Variants in LONRF1 observed in about 807,000 individuals in gnomAD.
LONRF1 encodes LON peptidase N-terminal domain and RING finger protein 1.
A neutral mutation model predicts 85.8 loss-of-function variants in LONRF1; 37 were observed. The observed-to-expected ratio is 0.43, with a 90% CI of 0.33 to 0.57. The LOEUF (loss-of-function observed/expected upper bound fraction) is 0.57. Among genes scored for constraint, LONRF1 ranks in the 20% least tolerant of loss-of-function variants. The probability of loss-of-function intolerance (pLI) is 0.04; values close to 1 mark genes in which losing one functional copy is unlikely to be tolerated. For missense variants in LONRF1, 1,036 were observed against 978.0 expected, an observed-to-expected ratio of 1.06 and a Z score of -0.79; for synonymous variants, 517 against 390.1, an observed-to-expected ratio of 1.33 and a Z score of -3.83.
At chr8:12,746,102 A>T (rs6530966) in intron 1 of LONRF1, among the ~76,000 whole-genome samples, 127,045 of 152,106 alleles carry the variant, frequency 0.84, 53,619 homozygotes, top group East Asian at 0.94. Flanking sequence ...CTCCTATGAT[A>T]TTCCTCAAAT....
rs144158433 is a variant in LONRF1, at chr8:12,731,868, A to G, written c.1567-11T>C. ...CCTATCTGCTAGATACTAAAAGACA[A>G]TATTATTTTACATTCCAGCAGTGGT... is the stretch of plus-strand genomic sequence containing the variant. On this transcript the variant is annotated splice_polypyrimidine_tract_variant and intron_variant, in intron 7 of 11. Coordinates refer to ENST00000398246, the MANE Select transcript of LONRF1 (RefSeq NM_152271.5). The G allele has an allele frequency of 8.6e-4, 1,375 of 1,605,206 alleles. 9 individuals are homozygous for G. In the African/African-American group the frequency reaches 0.017, roughly 19 times the overall value.
chr8:12,726,059 C>G, intron 10 of LONRF1, 180 bp from the exon 11 acceptor site: 1 of 527,698 alleles, frequency 1.9e-6, no homozygotes. Flanking sequence ...ATAGGGCTGA[C>G]CAGACTAAAG....
At chr8:12,753,199 T>A (rs1271583752) in intron 1 of LONRF1, 1 of 152,162 alleles carries the variant, frequency 6.6e-6, no homozygotes, top group East Asian at 1.9e-4. Context: ...ACTGAAAGAA[T>A]ACAAAAATCT....
At chr8:12,734,440 C>A (rs531312151) in intron 7 of LONRF1, among the ~76,000 whole-genome samples, 24 of 152,224 alleles carry the variant, frequency 1.6e-4, no homozygotes, top group Non-Finnish European at 2.8e-4. Flanking sequence ...TGTCAATCAC[C>A]AGAGACAGAA....
At position 12,754,775 on chromosome 8, in the gene LONRF1, C is replaced by G; in HGVS notation, c.646G>C (p.Gly216Arg). Residue 216 changes from glycine (G) to arginine (R), a missense_variant, in exon 1 of 12, where the codon GGC (glycine) becomes CGC (arginine). Physicochemically the swap from Gly to Arg is moderately radical, Grantham distance 125. Transcript: ENST00000398246. ...TGGTGCAGTAGCTCCCCGAGCCTGC[C>G]GGCCGCCCGGGCCCGCTCGCGCTGG... ...PGQRERARAA[G>R]RLGELLHQGR... 6.8e-7 allele frequency: 1 copy of G among 1,472,862 alleles called. No individual in the cohort carries two copies. Among genetic ancestry groups the G allele is most frequent in the Non-Finnish European group, 8.9e-7 (1 of 1,120,490 alleles). The allele number at this position is 1,472,862 out of a possible 1,614,324, so 91.2% of individuals were successfully genotyped here. A position where few individuals can be genotyped will look rare whatever the true frequency, so the allele number is the denominator to read the frequency against.
intron 8 of LONRF1, 91 bp downstream of exon 8, chr8:12,731,645 T>C (rs1156994258): frequency 9.2e-7 from 1 of 1,083,644 alleles, no homozygotes; most frequent in Non-Finnish European, 1.3e-6. Flanking sequence ...TAGACTGAGA[T>C]GAACTAAAGA....
chr8:12,735,227 A>C, intron 7 of LONRF1, 59 bp downstream of exon 7: 1 of 1,113,946 alleles, frequency 9.0e-7, no homozygotes. Flanking sequence ...GGCTGAACAG[A>C]AATTAAACCA....
rs1174687361 is a variant in LONRF1, at chr8:12,755,343, C to A, written c.78G>T (p.Arg26=). 4 of 1,239,446 alleles carry A rather than the reference C, an allele frequency of 3.2e-6. No homozygotes were observed. Among genetic ancestry groups the A allele is most frequent in the Non-Finnish European group, 4.0e-6 (4 of 988,232 alleles). 76.8% of individuals were successfully genotyped at this position (1,239,446 alleles called of 1,614,324 possible). A position where few individuals can be genotyped will look rare whatever the true frequency, so the allele number is the denominator to read the frequency against. ...CGCTGCCGCCGCCCACTTCCCAGAACCGGCCTCGGCCCTGCGGCGCTGGGG... is the reference window on the plus strand; with the variant it reads ...CGCTGCCGCCGCCCACTTCCCAGAAACGGCCTCGGCCCTGCGGCGCTGGGG... The part of the protein sequence containing the change: ...EMAPAPQGRG[R]FWEVGGGSGH... The change falls in exon 1 of 12, where the codon CGG becomes CGT. Residue 26 remains arginine, a synonymous_variant. Transcript: ENST00000398246.
Position 12,755,008 on chromosome 8 carries a change from C to A in LONRF1, c.413G>T (p.Cys138Phe), listed in dbSNP as rs1347926005. The A allele has an allele frequency of 6.7e-7, 1 of 1,494,144 alleles. No individual in the cohort carries two copies. The highest frequency in any genetic ancestry group is 2.8e-5 in the East Asian group (1 of 35,576). The allele number at this position is 1,494,144 out of a possible 1,614,324, so 92.6% of individuals were successfully genotyped here. A position where few individuals can be genotyped will look rare whatever the true frequency, so the allele number is the denominator to read the frequency against. The change falls in exon 1 of 12, where the codon TGT (cysteine) becomes TTT (phenylalanine). Residue 138 changes from cysteine (C) to phenylalanine (F), a missense_variant. Transcript: ENST00000398246. The part of the protein sequence containing the change: ...GFLSEPVTVP[C>F]GHSYCRRCLR... Reference sequence around the variant, plus strand: ...GCAGCGGCGGCAGTAGCTGTGGCCACAGGGCACGGTCACCGGCTCGCTCAG... The same window carrying A: ...GCAGCGGCGGCAGTAGCTGTGGCCAAAGGGCACGGTCACCGGCTCGCTCAG...
rs769602855 is a variant in LONRF1 at position 12,754,755 on chromosome 8, C to T, written c.666G>A (p.Leu222=). ...ARAAGRLGEL[L]HQGRYREALA... ...GGGCCTCCCGGTAGCGCCCCTGGTG[C>T]AGTAGCTCCCCGAGCCTGCCGGCCG... Residue 222 remains leucine (L), a synonymous_variant, in exon 1 of 12, where the codon CTG becomes CTA. Transcript: ENST00000398246. 4 of 1,459,048 alleles carry T rather than the reference C, an allele frequency of 2.7e-6. No homozygotes were observed. Among genetic ancestry groups the T allele is most frequent in the Non-Finnish European group, 2.7e-6 (3 of 1,114,148 alleles). The allele number at this position is 1,459,048 out of a possible 1,614,324, so 90.4% of individuals were successfully genotyped here.
Position 12,750,748 on chromosome 8 carries a change from C to T in LONRF1, c.721+3952G>A, listed in dbSNP as rs571053209. 1.1e-4 allele frequency among the ~76,000 whole-genome samples: 17 copies of T among 152,286 alleles called. 1 individual carries two copies. The South Asian group carries it at 2.9e-3, about 26-fold the overall frequency. On this transcript the variant is annotated intron_variant, in intron 1 of 11. Transcript: ENST00000398246. ...AGTATCTATAGTTTATTGATGAATGCTAAACTGCTAGTTAACATGTGTAAA... is the reference window on the plus strand; with the variant it reads ...AGTATCTATAGTTTATTGATGAATGTTAAACTGCTAGTTAACATGTGTAAA...
chr8:12,742,883 G>A (rs1290704647), intron 2 of LONRF1, among the ~76,000 whole-genome samples: 1 of 151,990 alleles, frequency 6.6e-6, no homozygotes, highest in African/African-American at 2.4e-5. Flanking sequence ...AAACAACCAT[G>A]CCAGGCTCAT....
chr8:12,744,590 T>C (rs1460483073), intron 1 of LONRF1, among the ~76,000 whole-genome samples: 1 of 152,180 alleles, frequency 6.6e-6, no homozygotes, highest in Non-Finnish European at 1.5e-5. Flanking sequence ...TTTGAGGAGC[T>C]TATAATCTAG....
At chr8:12,748,584 T>C (rs1453483732) in intron 1 of LONRF1, among the ~76,000 whole-genome samples, 1 of 152,240 alleles carries the variant, frequency 6.6e-6, no homozygotes, top group Non-Finnish European at 1.5e-5. Flanking sequence ...CCACAAGCTG[T>C]GTTTCTTCTC....
At chr8:12,726,348 A>G (rs970972436) in intron 10 of LONRF1, among the ~76,000 whole-genome samples, 6 of 152,210 alleles carry the variant, frequency 3.9e-5, no homozygotes, top group Non-Finnish European at 8.8e-5. Flanking sequence ...GCACAGTTAC[A>G]TCTTTTACTA....
intron 11 of LONRF1, 49 bp from the exon 12 acceptor site, chr8:12,723,303 A>G (rs760953348): frequency 5.8e-6 from 9 of 1,541,334 alleles, no homozygotes; most frequent in Non-Finnish European, 6.1e-6. Context: ...GGATTTATGT[A>G]ACAACAGTAG....
rs555174400 is a variant in LONRF1 at position 12,734,182 on chromosome 8, T to G, written c.1566+1104A>C. On this transcript the variant is annotated intron_variant, in intron 7 of 11. Transcript: ENST00000398246. ...ACATTGAGCATATTAGCTAAAAATG[T>G]AACTAACAAACTCTTTTAAGAATAA... 2.8e-4 allele frequency among the ~76,000 whole-genome samples: 42 copies of G among 152,332 alleles called. No homozygotes were observed. In the South Asian group the frequency reaches 3.5e-3, roughly 13 times the overall value.
At chr8:12,750,656 C>A (rs1799344487) in intron 1 of LONRF1, among the ~76,000 whole-genome samples, 1 of 152,180 alleles carries the variant, frequency 6.6e-6, no homozygotes, top group Non-Finnish European at 1.5e-5. Flanking sequence ...AAACCCTCTA[C>A]ATTTTCTTTA....
intron 1 of LONRF1, among the ~76,000 whole-genome samples, chr8:12,750,036 C>CT (rs1799316196): frequency 6.6e-6 from 1 of 152,106 alleles, no homozygotes; most frequent in Admixed American, 6.5e-5. Flanking sequence ...TTTAAATCAA[C>CT]TTTGTGTTTT....
Sources: gnomAD v4.1 joint callset for allele counts (sites outside exome capture counted in the v4.1 genomes callset) on GRCh38, gnomAD v4.1.1 for gene constraint, MANE v1.5 for transcripts, NCBI Gene and HGNC (gene_info 2026-07-23, HGNC 2026-07-21) for gene names.